NCKAP5: variants seen among roughly 807,000 people sequenced by gnomAD.
NCKAP5 encodes NCK associated protein 5.
A neutral mutation model predicts 167.0 loss-of-function variants in NCKAP5; 92 were observed. That is an observed-to-expected ratio of 0.55 (90% CI 0.47 to 0.66). The LOEUF is 0.66. Among genes scored for constraint, NCKAP5 ranks in the 30% least tolerant of loss-of-function variants. NCKAP5 has a pLI of 0.00. For synonymous variants in NCKAP5, 891 were observed against 877.4 expected (o/e 1.02, Z -0.27); for missense variants, 2,378 against 2,315.0 (o/e 1.03, Z -0.56).
Position 133,094,167 on chromosome 2 carries a change from G to A in NCKAP5, c.341+35811C>T, listed in dbSNP as rs6732376. On this transcript the variant is annotated intron_variant, in intron 6 of 19. Transcript: ENST00000409261. ...AAGGCACCAACTAGTGAACATTGTC[G>A]CCGGATAATACCATGAAGAATTAGA... Among the ~76,000 whole-genome samples the A allele has an allele frequency of 1.1e-4, 16 of 152,168 alleles. No individual in the cohort carries two copies. In the East Asian group the frequency reaches 1.7e-3, roughly 17 times the overall value.
At chr2:133,021,849 T>C (rs1003818523) in intron 6 of NCKAP5, among the ~76,000 whole-genome samples, 4 of 152,180 alleles carry the variant, frequency 2.6e-5, no homozygotes, top group Admixed American at 1.3e-4. Context: ...CAGGCTGTTC[T>C]TGAACTCCTG....
At position 133,244,838 on chromosome 2, in the gene NCKAP5, A is replaced by G. The variant is rs151021343; in HGVS notation, c.144-31059T>C. ...TCCTGAGGGACTGCAAATATAAGAG[A>G]GAAAATAACAAAGCTTCTGTAAAAA... On this transcript the variant is annotated intron_variant, in intron 4 of 19. Transcript: ENST00000409261. Among the ~76,000 whole-genome samples the G allele has an allele frequency of 4.8e-3, 736 of 152,312 alleles. 4 individuals carry two copies. Among genetic ancestry groups the G allele is most frequent in the African/African-American group, 0.017 (707 of 41,574 alleles).
At chr2:133,077,953 C>T (rs1156258314) in intron 6 of NCKAP5, among the ~76,000 whole-genome samples, 1 of 152,172 alleles carries the variant, frequency 6.6e-6, no homozygotes, top group East Asian at 1.9e-4. Flanking sequence ...CCATAGTCTT[C>T]ACTTAAATGT....
At chr2:132,934,471 G>A (rs951342809) in intron 8 of NCKAP5, among the ~76,000 whole-genome samples, 5 of 152,078 alleles carry the variant, frequency 3.3e-5, no homozygotes, top group Non-Finnish European at 5.9e-5. Flanking sequence ...TACTGGGGAG[G>A]CTGAGGCACG....
intron 6 of NCKAP5, among the ~76,000 whole-genome samples, chr2:133,088,291 GC>G (rs2081061688): frequency 6.6e-6 from 1 of 152,148 alleles, no homozygotes; most frequent in Non-Finnish European, 1.5e-5. Flanking sequence ...TTTTGCAGAA[GC>G]CCCTTGAATA....
chr2:132,966,053 A>G lies in NCKAP5; in HGVS notation c.430-2184T>C, dbSNP rs139892007. Among the ~76,000 whole-genome samples, 244 of 152,222 alleles carry G rather than the reference A, an allele frequency of 1.6e-3. 1 individual carries two copies. The highest frequency in any genetic ancestry group is 5.3e-3 in the African/African-American group (219 of 41,536). ...AAAGACTTTGGAATGTGACAGCCAGATTTCAGGTCTAACATTTATTTAGCA... is the reference window on the plus strand; with the variant it reads ...AAAGACTTTGGAATGTGACAGCCAGGTTTCAGGTCTAACATTTATTTAGCA... On this transcript the variant is annotated intron_variant, in intron 7 of 19. Coordinates refer to ENST00000409261, the MANE Select transcript of NCKAP5 (RefSeq NM_207363.3).
At chr2:133,520,029 T>TA (rs879297119) in intron 2 of NCKAP5, among the ~76,000 whole-genome samples, 211 of 143,454 alleles carry the variant, frequency 1.5e-3, no homozygotes, top group African/African-American at 4.1e-3. Flanking sequence ...CTACTAAAAA[T>TA]AAAAAAAAAA....
chr2:133,477,136 A>G (rs1219205450), intron 3 of NCKAP5, among the ~76,000 whole-genome samples: 1 of 152,208 alleles, frequency 6.6e-6, no homozygotes, highest in Non-Finnish European at 1.5e-5. Flanking sequence ...CTAGTCAGCA[A>G]TTAAACACTT....
chr2:132,726,449 A>G (rs756357765), intron 18 of NCKAP5, among the ~76,000 whole-genome samples: 20 of 152,324 alleles, frequency 1.3e-4, no homozygotes, highest in Non-Finnish European at 1.8e-4. Flanking sequence ...TTGACGCTGT[A>G]TGAACAGTAT....
intron 6 of NCKAP5, among the ~76,000 whole-genome samples, chr2:132,999,545 T>C (rs907607468): frequency 3.3e-5 from 5 of 152,194 alleles, no homozygotes; most frequent in African/African-American, 1.2e-4. Context: ...ACACAGTGGT[T>C]TTCTGAACTC....
At chr2:133,431,693 T>C (rs1204745049) in intron 3 of NCKAP5, 2 of 152,170 alleles carry the variant, frequency 1.3e-5, no homozygotes, top group Non-Finnish European at 2.9e-5. Context: ...GTAGGAGGCA[T>C]ATTTTATTTG....
At chr2:132,742,893 A>T (rs931391661) in intron 16 of NCKAP5, among the ~76,000 whole-genome samples, 1 of 151,912 alleles carries the variant, frequency 6.6e-6, no homozygotes, top group South Asian at 2.1e-4. Flanking sequence ...AGATGAGTCC[A>T]TCTTTCCATT....
intron 8 of NCKAP5, among the ~76,000 whole-genome samples, chr2:132,886,205 T>C (rs1692205802): frequency 6.6e-6 from 1 of 152,142 alleles, no homozygotes; most frequent in Non-Finnish European, 1.5e-5. Context: ...TGTAGCAAAA[T>C]ATTGCAAAGA....
chr2:133,455,022 C>T (rs1035860703), intron 3 of NCKAP5, among the ~76,000 whole-genome samples: 6 of 151,996 alleles, frequency 3.9e-5, no homozygotes, highest in Non-Finnish European at 8.8e-5. Context: ...AAAAATATTT[C>T]GTGTTGACTT....
chr2:133,589,887 A>G, the NCKAP5 span, among the ~76,000 whole-genome samples: 2 of 152,254 alleles, frequency 1.3e-5, no homozygotes, highest in Non-Finnish European at 2.9e-5. Context: ...AACTGATGTA[A>G]TATCCACAGC....
At chr2:132,848,106 G>T (rs911695094) in intron 11 of NCKAP5, among the ~76,000 whole-genome samples, 28 of 152,156 alleles carry the variant, frequency 1.8e-4, no homozygotes, top group Non-Finnish European at 3.8e-4. Context: ...TCTGGTCAGA[G>T]ACCAGAAGCA....
rs575518166 is a variant in NCKAP5 at position 133,357,382 on chromosome 2, A to G, written c.70-54272T>C. Reference sequence around the variant, plus strand: ...TCTTTCCTTATAGCCTTTAAAATAGAATAAATTCTTATGTGCATTTAATAA... The same window carrying G: ...TCTTTCCTTATAGCCTTTAAAATAGGATAAATTCTTATGTGCATTTAATAA... On this transcript the variant is annotated intron_variant, in intron 3 of 19. Coordinates refer to ENST00000409261, the MANE Select transcript of NCKAP5 (RefSeq NM_207363.3). Among the ~76,000 whole-genome samples, 4 of 152,202 alleles carry G rather than the reference A, an allele frequency of 2.6e-5. No individual in the cohort carries two copies. The East Asian group carries it at 7.7e-4, about 29-fold the overall frequency.
the NCKAP5 span, among the ~76,000 whole-genome samples, chr2:133,670,302 C>A: frequency 6.6e-6 from 1 of 152,180 alleles, no homozygotes; most frequent in Non-Finnish European, 1.5e-5. Flanking sequence ...TAGCTAGTAA[C>A]CTGAATACTC....
intron 1 of NCKAP5, among the ~76,000 whole-genome samples, chr2:133,560,825 A>G (rs943777902): frequency 2.6e-5 from 4 of 152,188 alleles, no homozygotes; most frequent in African/African-American, 9.6e-5. Context: ...GTTGAGAGTA[A>G]GGCTCACTGA....
Sources: allele counts gnomAD v4.1 joint callset (sites outside exome capture counted in the v4.1 genomes callset), GRCh38; gene constraint gnomAD v4.1.1; transcripts MANE v1.5; gene names NCBI Gene and HGNC (gene_info 2026-07-23, HGNC 2026-07-21).